Variants in CHIA observed in about 807,000 individuals in gnomAD.
CHIA encodes the protein acidic mammalian chitinase.
In CHIA, 47 loss-of-function variants were observed where a neutral mutation model predicts 53.5. That is an observed-to-expected ratio of 0.88 (90% confidence interval 0.70 to 1.12). CHIA has a LOEUF of 1.12. Among genes scored for constraint, CHIA ranks in the 50% most tolerant of loss-of-function variants. The pLI is 0.00. For missense variants in CHIA, 652 were observed against 592.2 expected, an observed-to-expected ratio of 1.10 and a Z score of -1.05; for synonymous variants, 268 against 222.2, an observed-to-expected ratio of 1.21 and a Z score of -1.83.
rs746366495 is a variant in CHIA, at chr1:111,320,266, A to C, written c.1231A>C (p.Ser411Arg). 8 of 1,614,096 alleles carry C rather than the reference A, an allele frequency of 5.0e-6. No homozygotes were observed. The highest frequency in any genetic ancestry group is 1.7e-5 in the Admixed American group (1 of 60,024). ...GCCAATAACTGCTGCTCCCAGTGGC[A>C]GCGGGAACGGGAGCGGGAGTAGCAG... Reference protein sequence around the residue: ...IEPITAAPSGSGNGSGSSSSG... With the variant: ...IEPITAAPSGRGNGSGSSSSG... Residue 411 changes from serine to arginine, a missense_variant, in exon 12 of 12, where the codon AGC becomes CGC. Ser to Arg is a moderately radical substitution (Grantham distance 110). Transcript: ENST00000369740.
rs141747675 is a variant in CHIA, at chr1:111,320,276, G to C, written c.1241G>C (p.Gly414Ala). Residue 414 changes from glycine to alanine, a missense_variant, in exon 12 of 12, where the codon GGG (glycine) becomes GCG (alanine). Transcript: ENST00000369740. ...GCTGCTCCCAGTGGCAGCGGGAACGGGAGCGGGAGTAGCAGCTCTGGAGGC... is the reference window on the plus strand; with the variant it reads ...GCTGCTCCCAGTGGCAGCGGGAACGCGAGCGGGAGTAGCAGCTCTGGAGGC... ...ITAAPSGSGN[G>A]SGSSSSGGSS... 14 of 1,614,204 alleles carry C rather than the reference G, an allele frequency of 8.7e-6. No homozygotes were observed. Among genetic ancestry groups the C allele is most frequent in the Non-Finnish European group, 1.1e-5 (13 of 1,180,014 alleles).
intron 4 of CHIA, among the ~76,000 whole-genome samples, chr1:111,313,997 C>G (rs2820071): frequency 6.6e-6 from 1 of 151,976 alleles, no homozygotes; most frequent in Admixed American, 6.6e-5. Flanking sequence ...TGTGAGGTAC[C>G]TGAGTAAGTG....
intron 1 of CHIA, among the ~76,000 whole-genome samples, chr1:111,306,773 G>A (rs1489118363): frequency 2.0e-5 from 3 of 152,056 alleles, no homozygotes; most frequent in African/African-American, 7.2e-5. Context: ...CAGCACAATA[G>A]AAAAATGGGC....
rs530412761 is a variant in CHIA at position 111,304,759 on chromosome 1, T to A, written c.-68-5641T>A. Among the ~76,000 whole-genome samples the A allele has an allele frequency of 3.9e-5, 6 of 152,318 alleles. No homozygotes were observed. The East Asian group carries it at 9.6e-4, about 24-fold the overall frequency. ...TTCAGAGACATTTCTGTTGATTTAT[T>A]TTTTTCGTTTGAATGAGCTATACTT... On this transcript the variant is annotated intron_variant, in intron 1 of 11. Transcript: ENST00000369740.
chr1:111,303,060 A>C (rs1222420808), intron 1 of CHIA, among the ~76,000 whole-genome samples: 1 of 152,056 alleles, frequency 6.6e-6, no homozygotes, highest in Non-Finnish European at 1.5e-5. Flanking sequence ...TCTGTTACTA[A>C]TATAGCAACT....
At chr1:111,314,428 T>A (rs1445756131) in intron 4 of CHIA, 112 bp from the exon 5 acceptor site, 2 of 690,760 alleles carry the variant, frequency 2.9e-6, no homozygotes, top group Non-Finnish European at 4.9e-6. Flanking sequence ...AAAATTGTTC[T>A]ACAAAAGGCA....
intron 4 of CHIA, among the ~76,000 whole-genome samples, chr1:111,312,832 G>C (rs12128422): frequency 0.14 from 19,877 of 146,276 alleles, 1,527 homozygotes; most frequent in African/African-American, 0.2. Flanking sequence ...CTCTGCTAAC[G>C]ACCATTCTAC....
chr1:111,310,311 A>G (rs960232560), intron 1 of CHIA, 89 bp from the exon 2 acceptor site: 1 of 1,418,470 alleles, frequency 7.0e-7, no homozygotes, highest in Non-Finnish European at 9.3e-7. Flanking sequence ...TGTAGGTTGA[A>G]GGTCTTGGGA....
chr1:111,310,292 G>A (rs760415269), intron 1 of CHIA, 108 bp from the exon 2 acceptor site: 667 of 1,281,432 alleles, frequency 5.2e-4, no homozygotes, highest in Non-Finnish European at 6.6e-4. Context: ...GATGCTGGTG[G>A]TGGGAGGGTG....
chr1:111,295,456 ATTTCAT>A (rs1241919213), intron 1 of CHIA, among the ~76,000 whole-genome samples: 1 of 152,174 alleles, frequency 6.6e-6, no homozygotes, highest in Non-Finnish European at 1.5e-5. Flanking sequence ...AAATTTGTTC[ATTTCAT>A]TTGGATTATC....
intron 1 of CHIA, among the ~76,000 whole-genome samples, chr1:111,303,414 C>T (rs1265335816): frequency 6.6e-6 from 1 of 151,678 alleles, no homozygotes; most frequent in African/African-American, 2.4e-5. Context: ...TTTCCTTATA[C>T]ACACACACAC....
At position 111,317,823 on chromosome 1, in the gene CHIA, T is replaced by A. The variant is rs1649287819; in HGVS notation, c.605+18T>A. 1 of 1,613,704 alleles carries A rather than the reference T, an allele frequency of 6.2e-7. No homozygotes were observed. The highest frequency in any genetic ancestry group is 8.5e-7 in the Non-Finnish European group (1 of 1,179,982). On this transcript the variant is annotated intron_variant, in intron 7 of 11. Coordinates refer to ENST00000369740, the MANE Select transcript of CHIA (RefSeq NM_201653.4). ...CTGTCACAGTGAGTGATGTGCCTTA[T>A]CTTCAAACTCCTGGAGGTGTCACTC...
At chr1:111,318,919 AAAAT>A (rs1365936783) in intron 9 of CHIA, among the ~76,000 whole-genome samples, 197 bp from the exon 10 acceptor site, 2 of 152,258 alleles carry the variant, frequency 1.3e-5, no homozygotes, top group Non-Finnish European at 2.9e-5. Flanking sequence ...CACAGGTAAT[AAAAT>A]AAATATACCT....
intron 1 of CHIA, among the ~76,000 whole-genome samples, chr1:111,298,562 A>C (rs182009717): frequency 6.6e-6 from 1 of 152,328 alleles, no homozygotes; most frequent in Non-Finnish European, 1.5e-5. Flanking sequence ...CAGAGACACA[A>C]CGTGCCAGAA....
rs200929969 is a variant in CHIA at position 111,310,465 on chromosome 1, A to G, written c.-3A>G. 1.8e-4 allele frequency: 295 copies of G among 1,614,212 alleles called. 1 individual carries two copies. The highest frequency in any genetic ancestry group is 2.8e-4 in the Admixed American group (17 of 60,020). On this transcript the variant is annotated 5_prime_UTR_variant, in exon 2 of 12. Coordinates refer to ENST00000369740, the MANE Select transcript of CHIA (RefSeq NM_201653.4). ...CTCTGCGGGACTGGTGCTGACTGCA[A>G]CCATGACAAAGCTTATTCTCCTCAC...
intron 5 of CHIA, chr1:111,314,916 C>T: frequency 2.6e-6 from 1 of 383,280 alleles, no homozygotes; most frequent in Non-Finnish European, 4.7e-6. Context: ...CTCTATTTAT[C>T]TTCTGGTGGG....
chr1:111,291,508 C>G (rs895849124), intron 1 of CHIA, among the ~76,000 whole-genome samples: 1 of 136,956 alleles, frequency 7.3e-6, no homozygotes, highest in African/African-American at 2.9e-5. Flanking sequence ...CTGGAGCCAG[C>G]TGAGGGGTTG....
intron 1 of CHIA, among the ~76,000 whole-genome samples, chr1:111,300,790 G>C (rs2101614958): frequency 6.6e-6 from 1 of 152,136 alleles, no homozygotes; most frequent in East Asian, 1.9e-4. Flanking sequence ...CAGAGTGAAA[G>C]GGCAACCTAC....
chr1:111,292,822 T>A (rs1383740631), intron 1 of CHIA, among the ~76,000 whole-genome samples: 1 of 152,198 alleles, frequency 6.6e-6, no homozygotes, highest in Non-Finnish European at 1.5e-5. Flanking sequence ...GTATCTCACA[T>A]AAACAGAAAA....
Sources: gnomAD v4.1 joint callset for allele counts (sites outside exome capture counted in the v4.1 genomes callset) on GRCh38, gnomAD v4.1.1 for gene constraint, MANE v1.5 for transcripts, NCBI Gene and HGNC (gene_info 2026-07-23, HGNC 2026-07-21) for gene names.